CPN1: variants seen among roughly 807,000 people sequenced by gnomAD.
CPN1 encodes the protein carboxypeptidase N catalytic chain.
Under a neutral mutation model 46.4 loss-of-function variants are expected in CPN1, and 37 were observed. The ratio of observed to expected loss-of-function variants is 0.80; its 90% CI spans 0.61 to 1.05. The LOEUF is 1.05. CPN1 is among the 50% of genes least tolerant of loss of function. The probability of loss-of-function intolerance (pLI) is 0.00; values close to 1 mark genes in which losing one functional copy is unlikely to be tolerated. For missense variants in CPN1, 563 were observed against 602.6 expected, an observed-to-expected ratio of 0.93 and a Z score of 0.69; for synonymous variants, 224 against 235.4, an observed-to-expected ratio of 0.95 and a Z score of 0.44.
At chr10:100,059,613 T>C (rs1320823066) in intron 5 of CPN1, among the ~76,000 whole-genome samples, 4 of 129,416 alleles carry the variant, frequency 3.1e-5, no homozygotes, top group Non-Finnish European at 6.6e-5. Context: ...AAAAAAAGAG[T>C]TGGTGAGGAT....
intron 6 of CPN1, among the ~76,000 whole-genome samples, chr10:100,056,031 A>G (rs1051591966): frequency 3.3e-5 from 5 of 152,198 alleles, no homozygotes; most frequent in African/African-American, 1.2e-4. Context: ...GCATTGCTGG[A>G]GCACATAGGA....
Position 100,042,401 on chromosome 10 carries a change from T to C in CPN1, c.*26A>G. On this transcript the variant is annotated 3_prime_UTR_variant, in exon 9 of 9. Coordinates refer to ENST00000370418, the MANE Select transcript of CPN1 (RefSeq NM_001308.3). ...TCTGAGAGCAGGAGCAAAGCCTTTC[T>C]GAAGGGTTGCCTGGCACTGTGGGTT... The C allele has an allele frequency of 3.7e-6, 6 of 1,612,486 alleles. No individual in the cohort carries two copies. The highest frequency in any genetic ancestry group is 5.1e-6 in the Non-Finnish European group (6 of 1,179,948).
chr10:100,063,899 T>C (rs1329199109), intron 4 of CPN1, among the ~76,000 whole-genome samples, 174 bp from the exon 5 acceptor site: 4 of 152,124 alleles, frequency 2.6e-5, no homozygotes, highest in East Asian at 1.9e-4. Flanking sequence ...TATGTGTGTG[T>C]GTATGTGTGT....
intron 7 of CPN1, among the ~76,000 whole-genome samples, chr10:100,053,310 T>C (rs1467515437): frequency 6.6e-6 from 1 of 152,122 alleles, no homozygotes; most frequent in Non-Finnish European, 1.5e-5. Flanking sequence ...TAAATGTTAG[T>C]GTAGTAAAAT....
intron 3 of CPN1, among the ~76,000 whole-genome samples, chr10:100,068,245 G>A (rs1184486055): frequency 4.4e-5 from 6 of 136,890 alleles, no homozygotes; most frequent in African/African-American, 1.1e-4. Context: ...ACGGAGTCTC[G>A]CTCTGTCACC....
chr10:100,060,023 G>T (rs916729387), intron 5 of CPN1, among the ~76,000 whole-genome samples: 6 of 152,160 alleles, frequency 3.9e-5, no homozygotes, highest in Non-Finnish European at 7.3e-5. Context: ...CCACTTATAT[G>T]AGGTACTTAG....
Position 100,063,644 on chromosome 10 carries a change from T to C in CPN1, c.841A>G (p.Asn281Asp). Residue 281 changes from asparagine (N) to aspartate (D), a missense_variant, in exon 5 of 9, where the codon AAT (asparagine) becomes GAT (aspartate). Transcript: ENST00000370418. ...CTGAGAGAATACCAGGAAGCCCCAT[T>C]GGTGATGCCATCTGGGAAGTAATCT... ...CGDYFPDGIT[N>D]GASWYSLSKG... 6.2e-7 allele frequency: 1 copy of C among 1,614,006 alleles called. No individual in the cohort carries two copies.
chr10:100,048,984 G>C, intron 7 of CPN1, 108 bp from the exon 8 acceptor site: 2 of 810,282 alleles, frequency 2.5e-6, no homozygotes, highest in South Asian at 2.7e-5. Context: ...TTTGAGACGG[G>C]GTCTTGCTCT....
chr10:100,071,564 A>G (rs1169882046), intron 2 of CPN1, among the ~76,000 whole-genome samples: 1 of 152,178 alleles, frequency 6.6e-6, no homozygotes, highest in African/African-American at 2.4e-5. Flanking sequence ...AGGTGACCTC[A>G]TCTCAATTGT....
At chr10:100,053,406 T>A (rs2133429665) in intron 7 of CPN1, among the ~76,000 whole-genome samples, 1 of 152,118 alleles carries the variant, frequency 6.6e-6, no homozygotes, top group Admixed American at 6.5e-5. Flanking sequence ...TGGGAGGCTT[T>A]TGAGCCAAGG....
rs1303450401 is a variant in CPN1 at position 100,065,291 on chromosome 10, G to T, written c.656C>A (p.Ala219Glu). 3 of 1,614,014 alleles carry T rather than the reference G, an allele frequency of 1.9e-6. No homozygotes were observed. The highest frequency in any genetic ancestry group is 2.5e-6 in the Non-Finnish European group (3 of 1,180,034). Residue 219 changes from alanine to glutamate, a missense_variant, in exon 4 of 9, where the codon GCG (alanine) becomes GAG (glutamate). By Grantham distance (107) the Ala-to-Glu change is moderately radical. Transcript: ENST00000370418. ...GTCATACGGGTAATTGGCCACCACC[G>T]CCCCTCCGTGGAGATTGGCTGAAAG... Reference protein sequence around the residue: ...FVLSANLHGGAVVANYPYDKS... With the variant: ...FVLSANLHGGEVVANYPYDKS...
chr10:100,046,448 G>T (rs2041312578), intron 8 of CPN1, among the ~76,000 whole-genome samples: 1 of 152,082 alleles, frequency 6.6e-6, no homozygotes, highest in South Asian at 2.1e-4. Context: ...CTCCAGCCTG[G>T]GCTACACAGA....
intron 5 of CPN1, among the ~76,000 whole-genome samples, chr10:100,060,979 G>C (rs2041413611): frequency 6.6e-6 from 1 of 151,894 alleles, no homozygotes; most frequent in African/African-American, 2.4e-5. Context: ...GATGAAGCCA[G>C]GCACAGAAAA....
chr10:100,065,074 T>C (rs1363808004), intron 4 of CPN1, 114 bp downstream of exon 4: 1 of 1,263,802 alleles, frequency 7.9e-7, no homozygotes, highest in African/African-American at 1.5e-5. Flanking sequence ...AAACAAGCGG[T>C]ATTTTCAATT....
At chr10:100,081,275 A>G (rs1436022634) in intron 1 of CPN1, 128 bp downstream of exon 1, 1 of 814,246 alleles carries the variant, frequency 1.2e-6, no homozygotes, top group Non-Finnish European at 2.1e-6. Flanking sequence ...GAAATAGCAC[A>G]GGCTGAGAAA....
chr10:100,054,068 T>C (rs1008207262), intron 7 of CPN1, among the ~76,000 whole-genome samples: 1 of 152,234 alleles, frequency 6.6e-6, no homozygotes, highest in African/African-American at 2.4e-5. Flanking sequence ...TGAATGCTGA[T>C]GAGAAGTTAC....
At chr10:100,054,484 T>A (rs891310543) in intron 6 of CPN1, 38 bp from the exon 7 acceptor site, 3 of 1,497,154 alleles carry the variant, frequency 2.0e-6, no homozygotes, top group African/African-American at 1.4e-5. Flanking sequence ...CATAAAACAT[T>A]TGTACCATTT....
intron 5 of CPN1, among the ~76,000 whole-genome samples, chr10:100,060,144 G>A (rs887681060): frequency 2.0e-5 from 3 of 152,208 alleles, no homozygotes; most frequent in African/African-American, 2.4e-5. Flanking sequence ...TTTACAAGCT[G>A]AAAAGAGTTC....
At position 100,069,784 on chromosome 10, in the gene CPN1, T is replaced by C; in HGVS notation, c.506A>G (p.Tyr169Cys). 1.2e-6 allele frequency: 2 copies of C among 1,613,884 alleles called. No homozygotes were observed. The highest frequency in any genetic ancestry group is 1.7e-6 in the Non-Finnish European group (2 of 1,179,990). ...LNRNFPDLNT[Y>C]IYYNEKYGGP... ...TCCGTACTTCTCGTTATAGTAGATA[T>C]AGGTATTGAGATCAGGGAAGTTGCG... Residue 169 changes from tyrosine to cysteine, a missense_variant, in exon 3 of 9, where the codon TAT becomes TGT. Coordinates refer to ENST00000370418, the MANE Select transcript of CPN1 (RefSeq NM_001308.3).
Sources: gnomAD v4.1 joint callset for allele counts (sites outside exome capture counted in the v4.1 genomes callset) on GRCh38, gnomAD v4.1.1 for gene constraint, MANE v1.5 for transcripts, NCBI Gene and HGNC (gene_info 2026-07-23, HGNC 2026-07-21) for gene names.